Variants in SEC63 observed in about 807,000 individuals in gnomAD.
The protein encoded by SEC63 is translocation protein SEC63 homolog.
A neutral mutation model predicts 116.2 loss-of-function variants in SEC63; 56 were observed. The observed-to-expected ratio is 0.48, with a 90% CI of 0.39 to 0.60. The LOEUF (loss-of-function observed/expected upper bound fraction) is 0.60, where lower values mean the gene tolerates loss of function less well. Among genes scored for constraint, SEC63 ranks in the 20% least tolerant of loss-of-function variants. The pLI is 0.00. For synonymous variants in SEC63, 273 were observed against 294.6 expected (o/e 0.93, Z 0.75); for missense variants, 668 against 900.0 (o/e 0.74, Z 3.30).
At chr6:107,955,109 A>C (rs1770684753) in intron 1 of SEC63, among the ~76,000 whole-genome samples, 1 of 152,204 alleles carries the variant, frequency 6.6e-6, no homozygotes, top group Admixed American at 6.5e-5. Flanking sequence ...CCAATGTTCT[A>C]ATCCCAGTTC....
rs1006996909 is a variant in SEC63, at chr6:107,958,158, C to CGCCGCCGCCACCTCTGCCGCT, written c.-170_-150dup. The CGCCGCCGCCACCTCTGCCGCT allele has an allele frequency of 2.8e-5, 35 of 1,251,684 alleles. No individual in the cohort carries two copies. The highest frequency in any genetic ancestry group is 5.0e-5 in the East Asian group (2 of 40,116). The allele number at this position is 1,251,684 out of a possible 1,614,324, so 77.5% of individuals were successfully genotyped here. ...CGCCCCCACGCCACTCTCACGGACACGCCGCCGCCACCTCTGCCGCTGCCG... is the reference window on the plus strand; with the variant it reads ...CGCCCCCACGCCACTCTCACGGACACGCCGCCGCCACCTCTGCCGCTGCCGCCGCCACCTCTGCCGCTGCCG... On this transcript the variant is annotated 5_prime_UTR_variant, in exon 1 of 21. Coordinates refer to ENST00000369002, the MANE Select transcript of SEC63 (RefSeq NM_007214.5).
At position 107,881,128 on chromosome 6, in the gene SEC63, A is replaced by C. The variant is rs1044520374; in HGVS notation, c.1935+21T>G. The C allele has an allele frequency of 6.0e-6, 9 of 1,488,124 alleles. No individual in the cohort carries two copies. The East Asian group carries it at 2.0e-4, about 34-fold the overall frequency. 92.2% of individuals were successfully genotyped at this position (1,488,124 alleles called of 1,614,324 possible). ...AGAAAGTGAATGGAATAAGGAACACAGTAGCCTGTATATAACTCACCTCAG... is the reference window on the plus strand; with the variant it reads ...AGAAAGTGAATGGAATAAGGAACACCGTAGCCTGTATATAACTCACCTCAG... On this transcript the variant is annotated intron_variant, in intron 18 of 20. Transcript: ENST00000369002.
intron 16 of SEC63, among the ~76,000 whole-genome samples, chr6:107,888,241 AT>A (rs1786584232): frequency 1.3e-5 from 2 of 152,060 alleles, no homozygotes; most frequent in South Asian, 2.1e-4. Flanking sequence ...AATGTTTTCC[AT>A]TTGTTTGTGT....
intron 4 of SEC63, among the ~76,000 whole-genome samples, chr6:107,920,566 G>A (rs1331455035): frequency 1.3e-5 from 2 of 152,012 alleles, no homozygotes; most frequent in East Asian, 1.9e-4. Context: ...TTTATTGCAG[G>A]AGACTGGAAC....
chr6:107,885,896 A>G (rs1308967652), intron 16 of SEC63, among the ~76,000 whole-genome samples: 1 of 152,160 alleles, frequency 6.6e-6, no homozygotes, highest in African/African-American at 2.4e-5. Context: ...TCTGGGGTAC[A>G]TGTGCAGAAC....
intron 19 of SEC63, among the ~76,000 whole-genome samples, chr6:107,874,337 G>A (rs1271725651): frequency 6.6e-6 from 1 of 152,184 alleles, no homozygotes; most frequent in African/African-American, 2.4e-5. Flanking sequence ...GCTCACGCCT[G>A]TAATCCCAGC....
At chr6:107,938,560 T>C (rs1244133941) in intron 1 of SEC63, among the ~76,000 whole-genome samples, 1 of 147,508 alleles carries the variant, frequency 6.8e-6, no homozygotes, top group African/African-American at 2.6e-5. Flanking sequence ...AAGTCACTTC[T>C]TTTTTCTTTT....
intron 18 of SEC63, chr6:107,880,901 C>A: frequency 2.3e-6 from 1 of 435,020 alleles, no homozygotes; most frequent in South Asian, 2.5e-5. Flanking sequence ...GTAATCAGGG[C>A]ACAGAAAAGA....
intron 16 of SEC63, among the ~76,000 whole-genome samples, chr6:107,891,581 C>G (rs28793067): frequency 1.3e-5 from 2 of 152,120 alleles, no homozygotes; most frequent in African/African-American, 4.8e-5. Context: ...CACATTCATT[C>G]TCCATCCAGT....
At chr6:107,901,142 C>T (rs1289097177) in intron 13 of SEC63, among the ~76,000 whole-genome samples, 2 of 152,198 alleles carry the variant, frequency 1.3e-5, no homozygotes, top group Non-Finnish European at 2.9e-5. Flanking sequence ...AGTGTTCAGA[C>T]TTCATCCCAT....
chr6:107,907,879 T>G (rs375856318), intron 8 of SEC63, among the ~76,000 whole-genome samples: 1 of 152,166 alleles, frequency 6.6e-6, no homozygotes, highest in Non-Finnish European at 1.5e-5. Flanking sequence ...GACAAAGCTG[T>G]GTAAGGATAC....
intron 1 of SEC63, among the ~76,000 whole-genome samples, chr6:107,930,558 G>C (rs1419052057): frequency 6.6e-6 from 1 of 151,482 alleles, no homozygotes; most frequent in Non-Finnish European, 1.5e-5. Context: ...AGTGAGCCGA[G>C]ATCATGCCAT....
rs1040445530 is a variant in SEC63, at chr6:107,868,274, T to C, written c.*3430A>G. On this transcript the variant is annotated 3_prime_UTR_variant, in exon 21 of 21. Coordinates refer to ENST00000369002, the MANE Select transcript of SEC63 (RefSeq NM_007214.5). ...AAGGATGATGATTTGTTGTTTTTGT[T>C]TTTTTTCCAAAAAAACCCAACAGGC... The C allele has an allele frequency of 2.6e-5, 4 of 151,810 alleles. No individual in the cohort carries two copies. The highest frequency in any genetic ancestry group is 9.7e-5 in the African/African-American group (4 of 41,346). 9.4% of individuals were successfully genotyped at this position (151,810 alleles called of 1,614,324 possible). A position where few individuals can be genotyped will look rare whatever the true frequency, so the allele number is the denominator to read the frequency against.
Position 107,868,110 on chromosome 6 carries a change from C to G in SEC63, c.*3594G>C, listed in dbSNP as rs889110314. The G allele has an allele frequency of 1.2e-5, 1 of 80,530 alleles. No homozygotes were observed. The highest frequency in any genetic ancestry group is 5.1e-5 in the African/African-American group (1 of 19,548). 5.0% of individuals were successfully genotyped at this position (80,530 alleles called of 1,614,324 possible). ...CTTCTTGAGACATATTTGGACTAAT[C>G]ACTACACAGCTGGCAAAATGTTATG... On this transcript the variant is annotated 3_prime_UTR_variant, in exon 21 of 21. Coordinates refer to ENST00000369002, the MANE Select transcript of SEC63 (RefSeq NM_007214.5).
At chr6:107,941,898 T>G (rs979337230) in intron 1 of SEC63, among the ~76,000 whole-genome samples, 15 of 152,226 alleles carry the variant, frequency 9.9e-5, no homozygotes, top group African/African-American at 3.6e-4. Flanking sequence ...AAAGCCCACT[T>G]AAGGATAGCA....
chr6:107,876,231 TACTC>T (rs1251790248), intron 19 of SEC63, among the ~76,000 whole-genome samples: 1 of 152,182 alleles, frequency 6.6e-6, no homozygotes, highest in Non-Finnish European at 1.5e-5. Flanking sequence ...AAAGATCTAA[TACTC>T]AACACTAATC....
At chr6:107,918,292 A>G (rs1389152131) in intron 4 of SEC63, among the ~76,000 whole-genome samples, 1 of 152,184 alleles carries the variant, frequency 6.6e-6, no homozygotes, top group East Asian at 1.9e-4. Context: ...CTCATTGACA[A>G]CGCACGTGGT....
intron 1 of SEC63, among the ~76,000 whole-genome samples, chr6:107,953,603 C>G (rs1257856411): frequency 6.0e-5 from 8 of 133,056 alleles, no homozygotes; most frequent in Middle Eastern, 4.7e-3. Context: ...CCAGCCGCCC[C>G]GTCCGGGAGG....
At chr6:107,953,725 G>A (rs1770632925) in intron 1 of SEC63, among the ~76,000 whole-genome samples, 2 of 143,358 alleles carry the variant, frequency 1.4e-5, no homozygotes, top group African/African-American at 2.6e-5. Context: ...CCGGCCAGCC[G>A]CCCTGTCCGG....
Sources: gnomAD v4.1 joint callset for allele counts (sites outside exome capture counted in the v4.1 genomes callset) on GRCh38, gnomAD v4.1.1 for gene constraint, MANE v1.5 for transcripts, NCBI Gene and HGNC (gene_info 2026-07-23, HGNC 2026-07-21) for gene names.